The following STXBP5 variants were observed in gnomAD, a reference collection of about 807,000 sequenced individuals.
STXBP5 encodes the protein syntaxin binding protein 5.
A neutral mutation model predicts 152.4 loss-of-function variants in STXBP5; 50 were observed. That is an observed-to-expected ratio of 0.33 (90% CI 0.26 to 0.42). The LOEUF (loss-of-function observed/expected upper bound fraction) is 0.42. STXBP5 is among the 10% of genes least tolerant of loss of function. The pLI is 1.00. For synonymous variants in STXBP5, 492 were observed against 494.7 expected, an observed-to-expected ratio of 0.99 and a Z score of 0.07; for missense variants, 1,167 against 1,388.6, an observed-to-expected ratio of 0.84 and a Z score of 2.54.
At chr6:147,362,105 T>C (rs553870012) in intron 23 of STXBP5, among the ~76,000 whole-genome samples, 43 of 152,174 alleles carry the variant, frequency 2.8e-4, no homozygotes, top group Middle Eastern at 3.2e-3. Context: ...GACATACTTA[T>C]ACTAAAAAGT....
intron 11 of STXBP5, among the ~76,000 whole-genome samples, 185 bp from the exon 12 acceptor site, chr6:147,313,699 C>A (rs1782495021): frequency 1.3e-5 from 2 of 152,094 alleles, no homozygotes; most frequent in African/African-American, 4.8e-5. Flanking sequence ...TAGAGCCTTT[C>A]TGTTTACTAT....
At chr6:147,256,096 A>G (rs1484612127) in intron 4 of STXBP5, among the ~76,000 whole-genome samples, 1 of 152,180 alleles carries the variant, frequency 6.6e-6, no homozygotes, top group Non-Finnish European at 1.5e-5. Context: ...ACGTATTGCC[A>G]TAGCTTCAAT....
chr6:147,222,681 A>T (rs1428425722), intron 2 of STXBP5, among the ~76,000 whole-genome samples: 1 of 152,186 alleles, frequency 6.6e-6, no homozygotes, highest in South Asian at 2.1e-4. Flanking sequence ...CCTTGTTGTT[A>T]AGAACAGAAT....
intron 4 of STXBP5, among the ~76,000 whole-genome samples, chr6:147,258,186 G>A (rs979442897): frequency 5.9e-5 from 9 of 152,170 alleles, no homozygotes; most frequent in Admixed American, 1.3e-4. Context: ...GTCAGTGTGG[G>A]AGGGGAATGT....
intron 22 of STXBP5, among the ~76,000 whole-genome samples, chr6:147,358,730 AATGTT>A (rs1192127528): frequency 6.6e-6 from 1 of 150,626 alleles, no homozygotes; most frequent in Non-Finnish European, 1.5e-5. Flanking sequence ...TAGAGAAAAG[AATGTT>A]ATTAAGAAAA....
intron 9 of STXBP5, among the ~76,000 whole-genome samples, chr6:147,304,697 A>G (rs1782001096): frequency 1.3e-5 from 2 of 152,194 alleles, no homozygotes; most frequent in Non-Finnish European, 1.5e-5. Context: ...CTGCAAAGCC[A>G]CAGGGGCAGA....
chr6:147,270,660 G>A (rs533523682), intron 7 of STXBP5, among the ~76,000 whole-genome samples: 5 of 152,168 alleles, frequency 3.3e-5, no homozygotes, highest in African/African-American at 1.2e-4. Context: ...AATGTTATGA[G>A]ATGGAAATTT....
intron 17 of STXBP5, 119 bp from the exon 18 acceptor site, chr6:147,327,006 T>C (rs1783293553): frequency 1.2e-6 from 1 of 868,460 alleles, no homozygotes. Flanking sequence ...AGTTGTCTTT[T>C]GTTTCAAAGA....
intron 2 of STXBP5, among the ~76,000 whole-genome samples, chr6:147,230,429 G>C (rs1481032844): frequency 6.6e-6 from 1 of 151,764 alleles, no homozygotes; most frequent in Non-Finnish European, 1.5e-5. Flanking sequence ...AATGACTGTA[G>C]TATATTATTA....
In STXBP5 at chr6:147,204,604, ACAGCAG is replaced by A. The variant is rs1445095968; in HGVS notation, c.78_83del (p.Gln26_Gln27del). ...GCTCGTCCTCGGCGTCGCAGCAGCA[ACAGCAG>A]CAGCATCCGCCTGGGAACCGGGAGC... is the stretch of plus-strand genomic sequence containing the variant. On this transcript the variant is annotated inframe_deletion, in exon 1 of 28. Coordinates refer to ENST00000321680, the MANE Select transcript of STXBP5 (RefSeq NM_001127715.4). The surrounding 1 kb of genome is among the most constrained non-coding windows in gnomAD (Gnocchi z 4.3). 1.9e-6 allele frequency: 3 copies of A among 1,610,916 alleles called. No homozygotes were observed. In the East Asian group the frequency reaches 6.8e-5, roughly 36 times the overall value.
At chr6:147,300,994 T>C (rs1246508762) in intron 9 of STXBP5, among the ~76,000 whole-genome samples, 1 of 151,856 alleles carries the variant, frequency 6.6e-6, no homozygotes, top group African/African-American at 2.4e-5. Flanking sequence ...CAGAAAACCT[T>C]TAACAGACAT....
At chr6:147,353,422 A>T in intron 22 of STXBP5, 49 bp downstream of exon 22, 2 of 1,299,484 alleles carry the variant, frequency 1.5e-6, no homozygotes, top group Non-Finnish European at 2.1e-6. Flanking sequence ...TAATGGGAAG[A>T]CAAGGAAATC....
chr6:147,370,395 A>G (rs1379264730), intron 25 of STXBP5, among the ~76,000 whole-genome samples: 1 of 152,070 alleles, frequency 6.6e-6, no homozygotes, highest in Non-Finnish European at 1.5e-5. Flanking sequence ...CAGTTTTTGT[A>G]TGTCGATTAT....
At chr6:147,383,084 C>T in intron 27 of STXBP5, 86 bp downstream of exon 27, 1 of 1,445,584 alleles carries the variant, frequency 6.9e-7, no homozygotes, top group East Asian at 2.4e-5. Flanking sequence ...TATTGTATTT[C>T]TACACCCATG....
At chr6:147,361,386 A>C (rs1281088635) in intron 23 of STXBP5, among the ~76,000 whole-genome samples, 1 of 152,202 alleles carries the variant, frequency 6.6e-6, no homozygotes, top group East Asian at 1.9e-4. Context: ...GTGAATACAA[A>C]AATAACTTTC....
intron 26 of STXBP5, among the ~76,000 whole-genome samples, chr6:147,381,310 T>C (rs746291750): frequency 1.3e-5 from 2 of 152,108 alleles, no homozygotes; most frequent in African/African-American, 2.4e-5. Flanking sequence ...ATTAGGGAAA[T>C]GCAAGTCAAA....
At chr6:147,241,468 C>G (rs949459144) in intron 4 of STXBP5, among the ~76,000 whole-genome samples, 3 of 152,150 alleles carry the variant, frequency 2.0e-5, no homozygotes, top group African/African-American at 7.2e-5. Context: ...AGCCACTGAT[C>G]TGTTTCCTGT....
intron 23 of STXBP5, among the ~76,000 whole-genome samples, chr6:147,360,272 T>C (rs1785004323): frequency 6.6e-6 from 1 of 152,134 alleles, no homozygotes; most frequent in Non-Finnish European, 1.5e-5. Context: ...AGAAATACCA[T>C]TTGACCCAGC....
intron 21 of STXBP5, among the ~76,000 whole-genome samples, chr6:147,345,147 TTCA>T (rs915581125): frequency 6.6e-6 from 1 of 152,212 alleles, no homozygotes; most frequent in African/African-American, 2.4e-5. Context: ...TGTGAAGAAA[TTCA>T]TCATTCTATA....
Sources: allele counts gnomAD v4.1 joint callset (sites outside exome capture counted in the v4.1 genomes callset), GRCh38; gene constraint gnomAD v4.1.1; non-coding constraint Gnocchi (gnomAD v3.1); transcripts MANE v1.5; gene names NCBI Gene and HGNC (gene_info 2026-07-23, HGNC 2026-07-21).